Variants in CLXN observed in about 807,000 individuals in gnomAD.
CLXN encodes the protein calaxin.
At chr8:48,719,807 C>T in the CLXN span, among the ~76,000 whole-genome samples, 1 of 152,190 alleles carries the variant, frequency 6.6e-6, no homozygotes, top group African/African-American at 2.4e-5. Context: ...CCACAGCTAA[C>T]ATCATCATTA....
chr8:48,735,030 C>T, the CLXN span: 6 of 1,584,380 alleles, frequency 3.8e-6, no homozygotes, highest in Non-Finnish European at 4.3e-6. Flanking sequence ...CGGACCTTAG[C>T]ACGGGGTGGG....
chr8:48,731,628 C>CCTG, the CLXN span: 1 of 728,640 alleles, frequency 1.4e-6, no homozygotes, highest in Non-Finnish European at 2.1e-6. Flanking sequence ...CAATAGAAGA[C>CCTG]TCTCCTGTTT....
At chr8:48,735,183 G>GGGTC in the CLXN span, 12 of 1,612,786 alleles carry the variant, frequency 7.4e-6, no homozygotes, top group Non-Finnish European at 8.5e-7. Flanking sequence ...GCCGCGGCGG[G>GGGTC]GGTCTCTGGG....
At chr8:48,734,423 G>A in the CLXN span, 12 of 152,276 alleles carry the variant, frequency 7.9e-5, no homozygotes, top group Admixed American at 2.6e-4. Flanking sequence ...TGCGAGATTA[G>A]AGCAGGTGCC....
chr8:48,729,163 CATGTT>C, the CLXN span: 2 of 1,576,542 alleles, frequency 1.3e-6, no homozygotes, highest in Non-Finnish European at 1.7e-6. Flanking sequence ...GAATGAGAAA[CATGTT>C]AGGCAACACG....
chr8:48,715,810 T>C, the CLXN span: 2 of 152,228 alleles, frequency 1.3e-5, no homozygotes, highest in Non-Finnish European at 1.5e-5. Context: ...TGCTCCTTCG[T>C]GTGTAGATAT....
the CLXN span, among the ~76,000 whole-genome samples, chr8:48,725,923 A>G: frequency 1.3e-5 from 2 of 152,150 alleles, no homozygotes; most frequent in African/African-American, 2.4e-5. Context: ...AATGAATGAA[A>G]TAGCTCCTGA....
chr8:48,735,093 C>T, the CLXN span: 1 of 1,614,172 alleles, frequency 6.2e-7, no homozygotes, highest in Non-Finnish European at 8.5e-7. Flanking sequence ...TTCTTACTTA[C>T]AATGCTTGCA....
chr8:48,726,238 A>G, the CLXN span, among the ~76,000 whole-genome samples: 1 of 132,900 alleles, frequency 7.5e-6, no homozygotes, highest in South Asian at 2.5e-4. Flanking sequence ...CCATCCATCC[A>G]TCCATCCATC....
At chr8:48,733,147 G>T in the CLXN span, among the ~76,000 whole-genome samples, 1 of 152,040 alleles carries the variant, frequency 6.6e-6, no homozygotes, top group Admixed American at 6.6e-5. Flanking sequence ...CTCCTAAAAA[G>T]CAAGAGCTGT....
At chr8:48,730,722 CT>C in the CLXN span, 1 of 752,938 alleles carries the variant, frequency 1.3e-6, no homozygotes. Flanking sequence ...GCATCACTCA[CT>C]TTTAAAATTA....
At chr8:48,714,691 G>T in the CLXN span, among the ~76,000 whole-genome samples, 1 of 152,202 alleles carries the variant, frequency 6.6e-6, no homozygotes, top group Non-Finnish European at 1.5e-5. Flanking sequence ...CAGGGAAAGG[G>T]AGTCTCGTAC....
At chr8:48,725,539 C>T in the CLXN span, among the ~76,000 whole-genome samples, 1 of 152,168 alleles carries the variant, frequency 6.6e-6, no homozygotes, top group Non-Finnish European at 1.5e-5. Flanking sequence ...CATGGTGGCT[C>T]ATGCCTGTAA....
the CLXN span, among the ~76,000 whole-genome samples, chr8:48,722,819 A>G: frequency 6.6e-6 from 1 of 152,160 alleles, no homozygotes; most frequent in Non-Finnish European, 1.5e-5. Flanking sequence ...TTTAAAAAGA[A>G]GGAAATTATG....
At chr8:48,723,531 C>T in the CLXN span, 1 of 152,182 alleles carries the variant, frequency 6.6e-6, no homozygotes, top group Non-Finnish European at 1.5e-5. Flanking sequence ...TCCCAACTAG[C>T]CTCTCAGTAT....
the CLXN span, chr8:48,723,301 A>G: frequency 6.6e-6 from 1 of 152,210 alleles, no homozygotes; most frequent in Non-Finnish European, 1.5e-5. Context: ...TAAAGATAGA[A>G]AAGCATTGTG....
At chr8:48,732,090 G>A in the CLXN span, among the ~76,000 whole-genome samples, 1 of 152,248 alleles carries the variant, frequency 6.6e-6, no homozygotes, top group East Asian at 1.9e-4. Context: ...TAATAGTTTG[G>A]AGGAAGGAAA....
At chr8:48,724,742 T>G in the CLXN span, 2 of 1,609,342 alleles carry the variant, frequency 1.2e-6, no homozygotes, top group South Asian at 2.2e-5. Flanking sequence ...ATTTAGTTAT[T>G]CACATATCAT....
At chr8:48,721,224 T>C in the CLXN span, among the ~76,000 whole-genome samples, 1 of 151,530 alleles carries the variant, frequency 6.6e-6, no homozygotes, top group African/African-American at 2.4e-5. Flanking sequence ...AGCAAAAAAA[T>C]AAAAAATAGT....
Sources: gnomAD v4.1 joint callset for allele counts (sites outside exome capture counted in the v4.1 genomes callset) on GRCh38, gnomAD v4.1.1 for gene constraint, MANE v1.5 for transcripts, NCBI Gene and HGNC (gene_info 2026-07-23, HGNC 2026-07-21) for gene names.